CERS5: variants seen among roughly 807,000 people sequenced by gnomAD.
The protein encoded by CERS5 is ceramide synthase 5.
CERS5 carries 37 observed loss-of-function variants against 58.9 expected under a neutral mutation model. The ratio of observed to expected loss-of-function variants is 0.63; its 90% CI spans 0.48 to 0.83. The LOEUF is 0.83. Ranked by LOEUF, CERS5 falls within the 40% of genes least tolerant of loss-of-function variation. The pLI is 0.00. For missense variants in CERS5, 398 were observed against 489.3 expected (o/e 0.81, Z 1.76); for synonymous variants, 147 against 177.8 (o/e 0.83, Z 1.38).
intron 1 of CERS5, chr12:50,148,492 G>A (rs1565789040): frequency 6.6e-6 from 2 of 301,084 alleles, no homozygotes; most frequent in Non-Finnish European, 1.4e-5. Flanking sequence ...AGCTGCTCAG[G>A]AGGCTGAGGT....
Position 50,135,805 on chromosome 12 carries a change from G to A in CERS5, c.799C>T (p.Arg267Trp), listed in dbSNP as rs1463335428. The change falls in exon 8 of 10, where the codon CGG (arginine) becomes TGG (tryptophan). Residue 267 changes from arginine (R) to tryptophan (W), a missense_variant. This residue lies in a region of CERS5 where 328 missense variants were observed against 384.5 expected (regional missense o/e 0.85). Transcript: ENST00000317551. ...ATCACAAAAAGGGTGTCACAGAGCCGCTGATACTTGGCATAATTGGCCAGT... is the reference window on the plus strand; with the variant it reads ...ATCACAAAAAGGGTGTCACAGAGCCACTGATACTTGGCATAATTGGCCAGT... ...AKLANYAKYQ[R>W]LCDTLFVIFS... 8 of 1,614,016 alleles carry A rather than the reference G, an allele frequency of 5.0e-6. 1 individual carries two copies. Among genetic ancestry groups the A allele is most frequent in the South Asian group, 2.2e-5 (2 of 91,062 alleles).
chr12:50,136,091 A>C (rs1265240226), intron 6 of CERS5, 22 bp from the exon 7 acceptor site: 2 of 1,476,262 alleles, frequency 1.4e-6, no homozygotes, highest in African/African-American at 1.4e-5. Flanking sequence ...TGGAAATAGA[A>C]GAGGGAGGTA....
chr12:50,152,006 G>A (rs1228028103), intron 1 of CERS5, among the ~76,000 whole-genome samples: 1 of 152,106 alleles, frequency 6.6e-6, no homozygotes. Context: ...CTCCTTTGCA[G>A]TTTATTTTTC....
intron 1 of CERS5, among the ~76,000 whole-genome samples, chr12:50,146,664 G>A (rs1267665137): frequency 6.6e-6 from 1 of 151,462 alleles, no homozygotes; most frequent in Non-Finnish European, 1.5e-5. Context: ...TCGAGACCAC[G>A]GTGAAACCCC....
intron 1 of CERS5, among the ~76,000 whole-genome samples, chr12:50,148,920 AAAAAAAAATAT>A (rs1565790000): frequency 7.1e-5 from 7 of 97,998 alleles, no homozygotes; most frequent in African/African-American, 3.0e-4. Flanking sequence ...AAAAAAAAAA[AAAAAAAAATAT>A]ATATATATAT....
Position 50,156,173 on chromosome 12 carries a change from G to A in CERS5, c.197+10928C>T, listed in dbSNP as rs562568115. Among the ~76,000 whole-genome samples the A allele has an allele frequency of 7.5e-4, 112 of 149,456 alleles. 1 individual carries two copies. The highest frequency in any genetic ancestry group is 1.9e-3 in the African/African-American group (79 of 40,628). ...TCCCAGCACTTTGGGAGGCTGAGGC[G>A]GGTGGATCACAAGGTCAGGAGATCG... On this transcript the variant is annotated intron_variant, in intron 1 of 9. Transcript: ENST00000317551.
intron 3 of CERS5, 93 bp downstream of exon 3, chr12:50,142,981 C>G: frequency 7.5e-7 from 1 of 1,330,782 alleles, no homozygotes; most frequent in Non-Finnish European, 1.0e-6. Flanking sequence ...TAACTGTTGT[C>G]CTAACAACAG....
intron 9 of CERS5, among the ~76,000 whole-genome samples, chr12:50,132,723 G>C (rs1200233160): frequency 1.7e-5 from 2 of 115,998 alleles, no homozygotes; most frequent in African/African-American, 6.0e-5. Context: ...AGGGCAGAGT[G>C]TCTCTAGATT....
intron 5 of CERS5, among the ~76,000 whole-genome samples, chr12:50,138,184 A>G (rs1017570664): frequency 6.6e-6 from 1 of 152,162 alleles, no homozygotes; most frequent in African/African-American, 2.4e-5. Context: ...TATTTCCAGT[A>G]TAGGTTACAA....
At position 50,138,048 on chromosome 12, in the gene CERS5, A is replaced by C. The variant is rs542973149; in HGVS notation, c.544-228T>G. ...CTTCAGCTCTCATCTTGCAGAGATG[A>C]GATACAGTTAACACATACTGTAACA... On this transcript the variant is annotated intron_variant, in intron 5 of 9. Transcript: ENST00000317551. Among the ~76,000 whole-genome samples the C allele has an allele frequency of 7.9e-5, 12 of 152,324 alleles. No individual in the cohort carries two copies. In the South Asian group the frequency reaches 2.5e-3, roughly 32 times the overall value.
At chr12:50,133,015 G>T in intron 9 of CERS5, 1 of 1,289,068 alleles carries the variant, frequency 7.8e-7, no homozygotes, top group Non-Finnish European at 1.0e-6. Flanking sequence ...AAGGAAGGAG[G>T]TGAGGAAAGA....
intron 6 of CERS5, among the ~76,000 whole-genome samples, chr12:50,136,422 G>C (rs1186523695): frequency 1.3e-5 from 2 of 151,618 alleles, no homozygotes; most frequent in African/African-American, 2.4e-5. Context: ...GCAGTGAGCT[G>C]AGATCGCGCC....
chr12:50,155,320 TAAAAG>T (rs1441018518), intron 1 of CERS5, among the ~76,000 whole-genome samples: 1 of 152,078 alleles, frequency 6.6e-6, no homozygotes, highest in East Asian at 1.9e-4. Context: ...AGTAAATTCT[TAAAAG>T]AAGAGGATTC....
chr12:50,135,308 A>AGTGAGT (rs1951624270), intron 8 of CERS5: 1 of 165,028 alleles, frequency 6.1e-6, no homozygotes, highest in African/African-American at 4.0e-5. Flanking sequence ...GAGAGAGAGG[A>AGTGAGT]GTGTGTGTGT....
intron 1 of CERS5, among the ~76,000 whole-genome samples, chr12:50,154,796 C>T (rs1938380916): frequency 6.6e-6 from 1 of 152,132 alleles, no homozygotes; most frequent in Non-Finnish European, 1.5e-5. Context: ...TCCCTAAGTG[C>T]TGGGATTACA....
At chr12:50,149,932 GGGGTTT>G (rs1235534731) in intron 1 of CERS5, among the ~76,000 whole-genome samples, 1 of 151,988 alleles carries the variant, frequency 6.6e-6, no homozygotes, top group Non-Finnish European at 1.5e-5. Context: ...TAGTAGAGAC[GGGGTTT>G]CACCACATTG....
intron 1 of CERS5, among the ~76,000 whole-genome samples, chr12:50,158,018 T>C (rs1476130302): frequency 2.2e-5 from 3 of 136,184 alleles, no homozygotes; most frequent in Admixed American, 1.7e-4. Context: ...TACCAGATTG[T>C]GCCACTGCAC....
At chr12:50,147,806 C>G (rs112028447) in intron 1 of CERS5, among the ~76,000 whole-genome samples, 4,185 of 152,168 alleles carry the variant, frequency 0.028, 201 homozygotes, top group African/African-American at 0.095. Flanking sequence ...GAGACAGGGT[C>G]TCACTCTGCC....
In CERS5 at chr12:50,136,050, A is replaced by G. The variant is rs1281878243; in HGVS notation, c.656T>C (p.Val219Ala). ...IKRKDFLIMF[V>A]HHLVTIGLIS... Reference sequence around the variant, plus strand: ...AAGCCCAATGGTGACCAAGTGATGCACAAACATGATCAGGAAGTCCTAGGA... The same window carrying G: ...AAGCCCAATGGTGACCAAGTGATGCGCAAACATGATCAGGAAGTCCTAGGA... The change falls in exon 7 of 10, where the codon GTG (valine) becomes GCG (alanine). Residue 219 changes from valine to alanine, a missense_variant. By Grantham distance (64) the Val-to-Ala change is moderately conservative (BLOSUM62 0). This residue lies in a region of CERS5 where 328 missense variants were observed against 384.5 expected (regional missense o/e 0.85). Coordinates refer to ENST00000317551, the MANE Select transcript of CERS5 (RefSeq NM_147190.5). The G allele has an allele frequency of 2.0e-6, 3 of 1,503,164 alleles. No homozygotes were observed. The allele number at this position is 1,503,164 out of a possible 1,614,324, so 93.1% of individuals were successfully genotyped here.
Sources: gnomAD v4.1 joint callset for allele counts (sites outside exome capture counted in the v4.1 genomes callset) on GRCh38, gnomAD v4.1.1 for gene constraint, gnomAD v4.1.1 regional missense constraint, MANE v1.5 for transcripts, NCBI Gene and HGNC (gene_info 2026-07-23, HGNC 2026-07-21) for gene names.